Variants in PTCHD4 observed in about 807,000 individuals in gnomAD.
The protein encoded by PTCHD4 is patched domain-containing protein 4.
Under a neutral mutation model 58.1 loss-of-function variants are expected in PTCHD4, and 33 were observed. The ratio of observed to expected loss-of-function variants is 0.57; its 90% CI spans 0.43 to 0.76. The LOEUF (loss-of-function observed/expected upper bound fraction) is 0.76. Ranked by LOEUF, PTCHD4 falls within the 30% of genes least tolerant of loss-of-function variation. The pLI is 0.00. For missense variants in PTCHD4, 1,058 were observed against 1,027.1 expected, an observed-to-expected ratio of 1.03 and a Z score of -0.41; for synonymous variants, 478 against 409.6, an observed-to-expected ratio of 1.17 and a Z score of -2.02.
At chr6:47,954,321 C>T (rs1032842139) in intron 4 of PTCHD4, among the ~76,000 whole-genome samples, 3 of 152,172 alleles carry the variant, frequency 2.0e-5, no homozygotes, top group African/African-American at 4.8e-5. Flanking sequence ...TGCACCACTG[C>T]ACTCCAGCAT....
At chr6:47,997,857 A>G (rs1768561978) in intron 4 of PTCHD4, among the ~76,000 whole-genome samples, 1 of 152,236 alleles carries the variant, frequency 6.6e-6, no homozygotes, top group African/African-American at 2.4e-5. Flanking sequence ...AAATAAACAT[A>G]GAATGTATCT....
rs1450221513 is a variant in PTCHD4 at position 47,857,467 on chromosome 6, A to T, written c.*20836T>A. 3.3e-5 allele frequency among the ~76,000 whole-genome samples: 5 copies of T among 152,062 alleles called. No individual in the cohort carries two copies. On this transcript the variant is annotated 3_prime_UTR_variant, in exon 5 of 5. Coordinates refer to ENST00000339488, the MANE Select transcript of PTCHD4 (RefSeq NM_001384253.1). ...TTCCTGATCATGTCCTTTTGGCAAGATAAAAAACTAACCCTTGGGTTCAAA... is the reference window on the plus strand; with the variant it reads ...TTCCTGATCATGTCCTTTTGGCAAGTTAAAAAACTAACCCTTGGGTTCAAA...
intron 3 of PTCHD4, among the ~76,000 whole-genome samples, chr6:48,067,322 C>T (rs1057127903): frequency 1.9e-4 from 29 of 152,038 alleles, no homozygotes; most frequent in Non-Finnish European, 4.4e-5. Flanking sequence ...CTGAAATGAC[C>T]GTTCTTTGTA....
intron 4 of PTCHD4, among the ~76,000 whole-genome samples, chr6:47,982,414 A>AT (rs1287607364): frequency 1.3e-5 from 2 of 151,182 alleles, no homozygotes; most frequent in African/African-American, 4.9e-5. Flanking sequence ...TTATTTGTTC[A>AT]TATGTGTAAA....
intron 3 of PTCHD4, among the ~76,000 whole-genome samples, chr6:48,060,572 C>G (rs1764585365): frequency 6.6e-6 from 1 of 152,210 alleles, no homozygotes; most frequent in African/African-American, 2.4e-5. Context: ...CTGCCAGGCT[C>G]AAGGCATCCT....
chr6:47,956,102 A>G (rs190724180), intron 4 of PTCHD4, among the ~76,000 whole-genome samples: 54 of 152,324 alleles, frequency 3.5e-4, no homozygotes, highest in African/African-American at 1.2e-3. Flanking sequence ...CAGCACTGGA[A>G]TATCCTTTTC....
rs371812478 is a variant in PTCHD4, at chr6:47,951,323, T to C, written c.898+57311A>G. Among the ~76,000 whole-genome samples the C allele has an allele frequency of 2.6e-5, 4 of 152,202 alleles. No individual in the cohort carries two copies. In the East Asian group the frequency reaches 5.8e-4, roughly 22 times the overall value. On this transcript the variant is annotated intron_variant, in intron 4 of 4. Transcript: ENST00000339488. The stretch of plus-strand genomic sequence containing the variant: ...AAGGGGCATTGGGAGAAGTGGCTCC[T>C]GTATCCTCAGTGGGGTTTGATATCA...
chr6:48,049,095 A>G (rs1215341934), intron 3 of PTCHD4, among the ~76,000 whole-genome samples: 1 of 152,002 alleles, frequency 6.6e-6, no homozygotes, highest in African/African-American at 2.4e-5. Flanking sequence ...TCATAGATCC[A>G]GAGCAGTGGT....
intron 4 of PTCHD4, among the ~76,000 whole-genome samples, chr6:47,931,418 G>A (rs890434487): frequency 6.6e-6 from 1 of 152,146 alleles, no homozygotes; most frequent in African/African-American, 2.4e-5. Flanking sequence ...CTAGATGGAT[G>A]AACACAGCAT....
chr6:48,040,705 C>T (rs1470975978), intron 3 of PTCHD4, among the ~76,000 whole-genome samples: 1 of 152,012 alleles, frequency 6.6e-6, no homozygotes, highest in Non-Finnish European at 1.5e-5. Flanking sequence ...AATGCCTCAA[C>T]AATTCTGTGA....
rs77587210 is a variant in PTCHD4, at chr6:47,868,249, C to T, written c.*10054G>A. ...TTTCTTTATGTTGGATCACATTCTC[C>T]CTTATTTTACTATCAAGATGTGTAT... On this transcript the variant is annotated 3_prime_UTR_variant, in exon 5 of 5. Coordinates refer to ENST00000339488, the MANE Select transcript of PTCHD4 (RefSeq NM_001384253.1). Among the ~76,000 whole-genome samples the T allele has an allele frequency of 0.061, 9,247 of 151,282 alleles. 320 individuals carry two copies. The highest frequency in any genetic ancestry group is 0.099 in the Middle Eastern group (29 of 294).
chr6:48,037,621 G>A (rs1440959881), intron 3 of PTCHD4, among the ~76,000 whole-genome samples: 1 of 152,100 alleles, frequency 6.6e-6, no homozygotes, highest in Admixed American at 6.6e-5. Context: ...GAAGTTGACA[G>A]AATTTATGAC....
At chr6:47,894,961 G>A (rs1026400241) in intron 4 of PTCHD4, among the ~76,000 whole-genome samples, 1 of 151,908 alleles carries the variant, frequency 6.6e-6, no homozygotes, top group African/African-American at 2.4e-5. Flanking sequence ...GTGAAACCTC[G>A]TCTCCACTAA....
At chr6:48,007,195 G>A (rs757729003) in intron 4 of PTCHD4, among the ~76,000 whole-genome samples, 8 of 152,018 alleles carry the variant, frequency 5.3e-5, no homozygotes, top group Non-Finnish European at 7.4e-5. Flanking sequence ...AGTTGAGATC[G>A]TGACACTGCA....
intron 3 of PTCHD4, among the ~76,000 whole-genome samples, chr6:48,067,013 T>C (rs1764822223): frequency 6.6e-6 from 1 of 152,178 alleles, no homozygotes; most frequent in Admixed American, 6.5e-5. Flanking sequence ...TCTATTCCAC[T>C]ATCTCCACAG....
chr6:47,936,921 G>A (rs932115147), intron 4 of PTCHD4, among the ~76,000 whole-genome samples: 1 of 152,202 alleles, frequency 6.6e-6, no homozygotes, highest in Admixed American at 6.5e-5. Flanking sequence ...GGTTAGAAAA[G>A]GTGAGTGAAT....
chr6:47,986,804 T>C (rs1405892042), intron 4 of PTCHD4, among the ~76,000 whole-genome samples: 1 of 152,168 alleles, frequency 6.6e-6, no homozygotes, highest in African/African-American at 2.4e-5. Context: ...ATACATCAAG[T>C]TGTAGAATAA....
chr6:47,879,978 C>T, intron 4 of PTCHD4, 42 bp from the exon 5 acceptor site: 1 of 1,358,480 alleles, frequency 7.4e-7, no homozygotes, highest in Non-Finnish European at 9.8e-7. Context: ...TTTTTATTTC[C>T]TCCTATGGCT....
intron 3 of PTCHD4, among the ~76,000 whole-genome samples, chr6:48,021,012 TC>T (rs1196033001): frequency 4.6e-5 from 7 of 152,124 alleles, no homozygotes; most frequent in African/African-American, 1.4e-4. Flanking sequence ...GTGCCCAGGC[TC>T]AAGTTCTAAG....
Sources: gnomAD v4.1 joint callset for allele counts (sites outside exome capture counted in the v4.1 genomes callset) on GRCh38, gnomAD v4.1.1 for gene constraint, MANE v1.5 for transcripts, NCBI Gene and HGNC (gene_info 2026-07-23, HGNC 2026-07-21) for gene names.